Variants in GRHL2 observed in about 807,000 individuals in gnomAD.
The protein encoded by GRHL2 is grainyhead like transcription factor 2.
In GRHL2, 21 loss-of-function variants were observed where a neutral mutation model predicts 83.8. The observed-to-expected ratio is 0.25, with a 90% confidence interval of 0.18 to 0.36. GRHL2 has a LOEUF of 0.36. Ranked by LOEUF, GRHL2 falls within the 10% of genes least tolerant of loss-of-function variation. The pLI, the probability that GRHL2 is intolerant of heterozygous loss-of-function variation, is 1.00. For synonymous variants in GRHL2, 280 were observed against 278.9 expected (o/e 1.00, Z -0.04); for missense variants, 623 against 781.8 (o/e 0.80, Z 2.42).
At chr8:101,663,537 G>A (rs1398678488) in intron 14 of GRHL2, among the ~76,000 whole-genome samples, 1 of 151,946 alleles carries the variant, frequency 6.6e-6, no homozygotes, top group African/African-American at 2.4e-5. Context: ...ACTTGAACCT[G>A]GGAGGCAGAG....
At chr8:101,653,773 C>T (rs1198303313) in intron 14 of GRHL2, among the ~76,000 whole-genome samples, 1 of 151,970 alleles carries the variant, frequency 6.6e-6, no homozygotes, top group Non-Finnish European at 1.5e-5. Context: ...AGATGCCATC[C>T]CAGAACCCCA....
rs113977488 is a variant in GRHL2 at position 101,661,284 on chromosome 8, G to A, written c.1699-3170G>A. ...TACTCAAGTTTACAGCATGCCACTG[G>A]TGGCTTTTTTTCCTTCCCCTTTTCT... On this transcript the variant is annotated intron_variant, in intron 14 of 15. Transcript: ENST00000646743. 7.8e-3 allele frequency among the ~76,000 whole-genome samples: 1,191 copies of A among 152,308 alleles called. 15 individuals carry two copies. The highest frequency in any genetic ancestry group is 0.026 in the African/African-American group (1,068 of 41,574).
intron 7 of GRHL2, among the ~76,000 whole-genome samples, chr8:101,588,492 G>T (rs554807971): frequency 6.6e-6 from 1 of 152,268 alleles, no homozygotes; most frequent in Admixed American, 6.5e-5. Context: ...CTTCCCAGTG[G>T]CTCCCCACCC....
At chr8:101,533,755 G>A (rs1810986401) in intron 1 of GRHL2, among the ~76,000 whole-genome samples, 1 of 152,180 alleles carries the variant, frequency 6.6e-6, no homozygotes, top group Admixed American at 6.5e-5. Flanking sequence ...GCTTAAAGGA[G>A]ATGAGAGAGC....
At chr8:101,499,346 CCTTA>C (rs1289443096) in intron 1 of GRHL2, among the ~76,000 whole-genome samples, 2 of 152,178 alleles carry the variant, frequency 1.3e-5, no homozygotes, top group African/African-American at 4.8e-5. Flanking sequence ...TTTTCCCCTT[CCTTA>C]CTTCCTCCCT....
chr8:101,577,621 C>G (rs566299967), intron 7 of GRHL2, 102 bp downstream of exon 7: 27 of 793,260 alleles, frequency 3.4e-5, no homozygotes, highest in Admixed American at 3.0e-4. Flanking sequence ...AGCCACAGAG[C>G]TCTTATGATG....
Position 101,492,486 on chromosome 8 carries a change from T to C in GRHL2, c.-284T>C, listed in dbSNP as rs2033751544. 1 of 567,706 alleles carries C rather than the reference T, an allele frequency of 1.8e-6. No homozygotes were observed. The highest frequency in any genetic ancestry group is 3.2e-6 in the Non-Finnish European group (1 of 316,798). The allele number at this position is 567,706 out of a possible 1,614,324, so 35.2% of individuals were successfully genotyped here. A position where few individuals can be genotyped will look rare whatever the true frequency, so the allele number is the denominator to read the frequency against. ...CAAGTCCGCCACTTTCTGCTCTGTG[T>C]CTGCCCATTGCCACGATCCAGGAGG... On this transcript the variant is annotated 5_prime_UTR_variant, in exon 1 of 16. Coordinates refer to ENST00000646743, the MANE Select transcript of GRHL2 (RefSeq NM_024915.4).
intron 13 of GRHL2, among the ~76,000 whole-genome samples, chr8:101,645,864 CA>C (rs1345222702): frequency 2.0e-5 from 3 of 152,160 alleles, no homozygotes; most frequent in African/African-American, 7.2e-5. Context: ...TAAAGGTTTA[CA>C]AAAATTTCTT....
At chr8:101,652,384 G>GTGGTGTGTGT (rs1372190037) in intron 14 of GRHL2, among the ~76,000 whole-genome samples, 1 of 61,472 alleles carries the variant, frequency 1.6e-5, no homozygotes, top group Non-Finnish European at 3.0e-5. Flanking sequence ...ATGTGTGTGT[G>GTGGTGTGTGT]GTGTGTGTGT....
intron 1 of GRHL2, among the ~76,000 whole-genome samples, chr8:101,535,509 A>C (rs1264573961): frequency 6.6e-6 from 1 of 152,040 alleles, no homozygotes; most frequent in African/African-American, 2.4e-5. Context: ...TGGATCTGAC[A>C]GCTCAGTGAC....
the GRHL2 span, among the ~76,000 whole-genome samples, chr8:101,677,868 C>T: frequency 6.6e-6 from 1 of 152,070 alleles, no homozygotes; most frequent in East Asian, 1.9e-4. Context: ...GTAGAGAACC[C>T]TGCTTGAAAT....
downstream of GRHL2, among the ~76,000 whole-genome samples, chr8:101,669,994 G>GAGTT (rs1022589058): frequency 1.3e-5 from 2 of 152,204 alleles, no homozygotes; most frequent in African/African-American, 2.4e-5. Flanking sequence ...TTTGGGCAGG[G>GAGTT]AGTTGGTTCT....
chr8:101,499,387 TC>T (rs1810176559), intron 1 of GRHL2, among the ~76,000 whole-genome samples: 1 of 152,184 alleles, frequency 6.6e-6, no homozygotes, highest in Admixed American at 6.5e-5. Flanking sequence ...TTCTTCTTGT[TC>T]CCTCCTTCCC....
At chr8:101,547,325 TTGTA>T (rs1563574442) in intron 2 of GRHL2, among the ~76,000 whole-genome samples, 1 of 152,244 alleles carries the variant, frequency 6.6e-6, no homozygotes. Context: ...TTTATAGACT[TTGTA>T]TGCCTCTTCA....
At chr8:101,581,847 C>A (rs796280010) in intron 7 of GRHL2, among the ~76,000 whole-genome samples, 6 of 152,224 alleles carry the variant, frequency 3.9e-5, no homozygotes, top group African/African-American at 1.4e-4. Flanking sequence ...TGAGACTCAT[C>A]TGAAAGGATA....
At chr8:101,664,405 G>T (rs1813998166) in intron 14 of GRHL2, 49 bp from the exon 15 acceptor site, 1 of 1,409,632 alleles carries the variant, frequency 7.1e-7, no homozygotes, top group African/African-American at 1.4e-5. Context: ...CTTGCCTCCA[G>T]TTGGGCGTCC....
At chr8:101,662,675 C>T (rs1813946605) in intron 14 of GRHL2, among the ~76,000 whole-genome samples, 1 of 152,124 alleles carries the variant, frequency 6.6e-6, no homozygotes, top group Admixed American at 6.5e-5. Flanking sequence ...GCAGGGCTTT[C>T]CCGAATCCAT....
intron 14 of GRHL2, among the ~76,000 whole-genome samples, chr8:101,656,746 TGTG>T (rs1813794330): frequency 6.6e-6 from 1 of 152,196 alleles, no homozygotes; most frequent in Admixed American, 6.5e-5. Flanking sequence ...ATAGGATTGT[TGTG>T]AGGATAAATG....
At chr8:101,610,257 T>C (rs1812721392) in intron 8 of GRHL2, among the ~76,000 whole-genome samples, 1 of 151,134 alleles carries the variant, frequency 6.6e-6, no homozygotes, top group Admixed American at 6.6e-5. Context: ...CTTAATTAAA[T>C]GTTTGTTCCA....
Sources: gnomAD v4.1 joint callset for allele counts (sites outside exome capture counted in the v4.1 genomes callset) on GRCh38, gnomAD v4.1.1 for gene constraint, MANE v1.5 for transcripts, NCBI Gene and HGNC (gene_info 2026-07-23, HGNC 2026-07-21) for gene names.